Variants in ERBB4 observed in about 807,000 individuals in gnomAD.
The protein encoded by ERBB4 is receptor tyrosine-protein kinase erbB-4.
Under a neutral mutation model 158.0 loss-of-function variants are expected in ERBB4, and 42 were observed. The ratio of observed to expected loss-of-function variants is 0.27; its 90% CI spans 0.21 to 0.34. ERBB4 has a LOEUF of 0.34. Ranked by LOEUF, ERBB4 falls within the 10% of genes least tolerant of loss-of-function variation. The pLI, the probability that ERBB4 is intolerant of heterozygous loss-of-function variation, is 1.00. For synonymous variants in ERBB4, 583 were observed against 558.7 expected (o/e 1.04, Z -0.61); for missense variants, 1,333 against 1,624.1 (o/e 0.82, Z 3.08).
intron 1 of ERBB4, among the ~76,000 whole-genome samples, chr2:212,318,682 T>A (rs1574669072): frequency 1.3e-5 from 2 of 151,526 alleles, no homozygotes; most frequent in South Asian, 4.1e-4. Context: ...GTTGAGAGAG[T>A]TGCCTAAAAC....
intron 1 of ERBB4, among the ~76,000 whole-genome samples, chr2:212,188,184 GTCTCTCTCTCTCTCTC>G (rs1169851002): frequency 7.3e-4 from 15 of 20,518 alleles, no homozygotes; most frequent in Admixed American, 2.2e-3. Context: ...ATACCTTCAG[GTCTCTCTCTCTCTCTC>G]TCTCTCTCTC....
chr2:211,601,506 C>T (rs74859029), intron 19 of ERBB4, among the ~76,000 whole-genome samples: 2,040 of 151,828 alleles, frequency 0.013, 41 homozygotes, highest in African/African-American at 0.046. Context: ...AAAAAAAAGC[C>T]CCAACTTTCA....
At chr2:212,231,303 C>A (rs2083658072) in intron 1 of ERBB4, among the ~76,000 whole-genome samples, 1 of 151,808 alleles carries the variant, frequency 6.6e-6, no homozygotes, top group South Asian at 2.1e-4. Context: ...AAAAAAAAAA[C>A]AGGTTATAAA....
At chr2:212,504,409 T>C (rs539019642) in intron 1 of ERBB4, among the ~76,000 whole-genome samples, 61 of 152,022 alleles carry the variant, frequency 4.0e-4, no homozygotes, top group African/African-American at 1.4e-3. Flanking sequence ...ATAATCACAC[T>C]GGAATTACTT....
intron 12 of ERBB4, among the ~76,000 whole-genome samples, chr2:211,682,913 G>GT (rs995057290): frequency 9.2e-4 from 134 of 146,138 alleles, no homozygotes; most frequent in African/African-American, 2.2e-3. Flanking sequence ...ATTTATCTTA[G>GT]TTTTTTTTTT....
chr2:212,496,448 T>C (rs1296991232), intron 1 of ERBB4, among the ~76,000 whole-genome samples: 2 of 152,140 alleles, frequency 1.3e-5, no homozygotes, highest in Non-Finnish European at 1.5e-5. Context: ...TTGGACAAAG[T>C]ATTAAAAAAG....
intron 1 of ERBB4, among the ~76,000 whole-genome samples, chr2:212,248,936 A>G (rs2084414051): frequency 1.3e-5 from 2 of 152,136 alleles, no homozygotes; most frequent in South Asian, 2.1e-4. Context: ...TCTTTTGGTC[A>G]TATTTATCTT....
intron 1 of ERBB4, among the ~76,000 whole-genome samples, chr2:212,263,286 A>C (rs2085011301): frequency 6.6e-6 from 1 of 152,080 alleles, no homozygotes; most frequent in South Asian, 2.1e-4. Context: ...TGAGAGAACA[A>C]ATTTCTGTTG....
chr2:212,508,113 T>C (rs1018062976), intron 1 of ERBB4, among the ~76,000 whole-genome samples: 1 of 152,230 alleles, frequency 6.6e-6, no homozygotes, highest in Non-Finnish European at 1.5e-5. Flanking sequence ...GCTCAGATGA[T>C]TGTTAGCATT....
rs56007115 is a variant in ERBB4 at position 211,946,576 on chromosome 2, CTTTTTTTTTTTTTTTTTT to C, written c.421+836_421+853del. ...TACTAATTATTTACTAATTAGCTCT[CTTTTTTTTTTTTTTTTTT>C]TTTTTTTTTTTGAGATGGAGTTTCG... On this transcript the variant is annotated intron_variant, in intron 3 of 27. Transcript: ENST00000342788. 1.0e-4 allele frequency among the ~76,000 whole-genome samples: 5 copies of C among 49,570 alleles called. No homozygotes were observed. The Admixed American group carries it at 1.7e-3, about 17-fold the overall frequency. 32.5% of individuals were successfully genotyped at this position (49,570 alleles called of 152,430 possible).
chr2:211,701,664 G>A (rs1399509812), intron 12 of ERBB4, among the ~76,000 whole-genome samples: 1 of 148,146 alleles, frequency 6.8e-6, no homozygotes, highest in Non-Finnish European at 1.5e-5. Context: ...GCTGAGGCAG[G>A]AGAATGGCGT....
chr2:211,729,374 C>A (rs989933184), intron 5 of ERBB4, among the ~76,000 whole-genome samples: 18 of 151,642 alleles, frequency 1.2e-4, no homozygotes, highest in Non-Finnish European at 2.5e-4. Context: ...GGGCTTTTCA[C>A]CATCAACATT....
intron 19 of ERBB4, among the ~76,000 whole-genome samples, chr2:211,614,210 C>A (rs1406100839): frequency 6.6e-6 from 1 of 151,828 alleles, no homozygotes; most frequent in Admixed American, 6.6e-5. Context: ...TTTGTGAGAT[C>A]TAAAAACCAA....
intron 8 of ERBB4, 137 bp downstream of exon 8, chr2:211,713,398 T>C (rs2073778416): frequency 1.5e-6 from 1 of 685,166 alleles, no homozygotes; most frequent in South Asian, 1.6e-5. Flanking sequence ...GAGTAACTGT[T>C]CAAAATTATG....
chr2:211,910,483 C>A (rs1277286374), intron 3 of ERBB4, among the ~76,000 whole-genome samples: 1 of 150,710 alleles, frequency 6.6e-6, no homozygotes, highest in African/African-American at 2.4e-5. Context: ...AACAGAAAAG[C>A]AAATACTGCA....
In ERBB4 at chr2:212,157,568, G is replaced by A. The variant is rs182424745; in HGVS notation, c.83-32665C>T. 9.4e-4 allele frequency among the ~76,000 whole-genome samples: 143 copies of A among 152,096 alleles called. 1 individual carries two copies. The highest frequency in any genetic ancestry group is 3.4e-3 in the Middle Eastern group (1 of 294). Reference sequence around the variant, plus strand: ...TTACTGTTCAAAGGAAAAAAAGACTGGGTTTTTTTGAAACCAGTAAGAAAA... The same window carrying A: ...TTACTGTTCAAAGGAAAAAAAGACTAGGTTTTTTTGAAACCAGTAAGAAAA... On this transcript the variant is annotated intron_variant, in intron 1 of 27. Transcript: ENST00000342788.
intron 1 of ERBB4, among the ~76,000 whole-genome samples, chr2:212,199,114 T>C (rs2082517943): frequency 6.6e-6 from 1 of 152,286 alleles, no homozygotes. Flanking sequence ...AAATCCCCAC[T>C]CACAATGCAC....
intron 5 of ERBB4, among the ~76,000 whole-genome samples, chr2:211,745,454 C>T (rs1188030806): frequency 6.6e-6 from 1 of 152,096 alleles, no homozygotes. Flanking sequence ...CAGGCAGCCT[C>T]CAACCCCACT....
At chr2:212,115,746 C>T (rs539386921) in intron 2 of ERBB4, among the ~76,000 whole-genome samples, 6 of 152,108 alleles carry the variant, frequency 3.9e-5, no homozygotes, top group Non-Finnish European at 8.8e-5. Context: ...TGGGCTCAAG[C>T]AATCCTCCCA....
Sources: gnomAD v4.1 joint callset for allele counts (sites outside exome capture counted in the v4.1 genomes callset) on GRCh38, gnomAD v4.1.1 for gene constraint, MANE v1.5 for transcripts, NCBI Gene and HGNC (gene_info 2026-07-23, HGNC 2026-07-21) for gene names.